Variants in C6orf132 observed in about 807,000 individuals in gnomAD.
C6orf132 encodes uncharacterized protein C6orf132.
Under a neutral mutation model 65.3 loss-of-function variants are expected in C6orf132, and 43 were observed. The observed-to-expected ratio is 0.66, with a 90% confidence interval of 0.52 to 0.85. C6orf132 has a LOEUF of 0.85. C6orf132 is among the 40% of genes least tolerant of loss of function. C6orf132 has a pLI of 0.00. For missense variants in C6orf132, 1,488 were observed against 1,548.8 expected (o/e 0.96, Z 0.66); for synonymous variants, 631 against 654.1 (o/e 0.96, Z 0.54).
At position 42,133,817 on chromosome 6, in the gene C6orf132, CA is replaced by C. The variant is rs1432082731; in HGVS notation, c.146-5040del. On this transcript the variant is annotated intron_variant, in intron 1 of 4. Coordinates refer to ENST00000341865, the MANE Select transcript of C6orf132 (RefSeq NM_001164446.3). Reference sequence around the variant, plus strand: ...ACAATTTCTCCCTCATAGAAGGAGACAGGGGCGGGGGCGGGGCGGGGCGGGG... The same window carrying C: ...ACAATTTCTCCCTCATAGAAGGAGACGGGGCGGGGGCGGGGCGGGGCGGGG... Among the ~76,000 whole-genome samples the C allele has an allele frequency of 8.0e-4, 13 of 16,234 alleles. No homozygotes were observed. In the South Asian group the frequency reaches 0.02, roughly 25 times the overall value. The allele number at this position is 16,234 out of a possible 152,430, so 10.7% of individuals were successfully genotyped here.
In C6orf132 at chr6:42,106,103, G is replaced by A. The variant is rs770932244; in HGVS notation, c.1809C>T (p.Asn603=). The A allele has an allele frequency of 9.1e-6, 14 of 1,537,140 alleles. No individual in the cohort carries two copies. The highest frequency in any genetic ancestry group is 7.1e-5 in the South Asian group (6 of 84,068). Reference sequence around the variant, plus strand: ...TGGAGAGTTTGTCATCATCAGCCCCGTTTTCACAAATTCTTCCCCCTTCTA... The same window carrying A: ...TGGAGAGTTTGTCATCATCAGCCCCATTTTCACAAATTCTTCCCCCTTCTA... The part of the protein sequence containing the change: ...PRLEGGRICE[N]GADDDKLSKP... The change falls in exon 4 of 5, where the codon AAC becomes AAT. Residue 603 remains asparagine (N), a synonymous_variant. Coordinates refer to ENST00000341865, the MANE Select transcript of C6orf132 (RefSeq NM_001164446.3).
At chr6:42,139,167 C>T (rs980536118) in intron 1 of C6orf132, among the ~76,000 whole-genome samples, 5 of 152,156 alleles carry the variant, frequency 3.3e-5, no homozygotes, top group Non-Finnish European at 4.4e-5. Flanking sequence ...TCCATTCCAC[C>T]GCCTGTTCTC....
intron 1 of C6orf132, among the ~76,000 whole-genome samples, chr6:42,139,148 T>G (rs1046597342): frequency 6.6e-6 from 1 of 152,196 alleles, no homozygotes; most frequent in African/African-American, 2.4e-5. Flanking sequence ...TACATTGATT[T>G]TCCTCCCTTC....
intron 1 of C6orf132, among the ~76,000 whole-genome samples, chr6:42,131,202 G>A (rs773929540): frequency 8.6e-5 from 13 of 151,986 alleles, no homozygotes; most frequent in Non-Finnish European, 1.8e-4. Context: ...TGTATTTTTA[G>A]TAGAGATGGT....
intron 1 of C6orf132, among the ~76,000 whole-genome samples, chr6:42,132,338 AC>A (rs2127479162): frequency 6.7e-6 from 1 of 150,232 alleles, no homozygotes; most frequent in Admixed American, 6.7e-5. Context: ...ACATGGTGAA[AC>A]CCCGTCTCTA....
intron 3 of C6orf132, among the ~76,000 whole-genome samples, chr6:42,109,992 G>A (rs547083562): frequency 3.3e-5 from 5 of 152,160 alleles, no homozygotes; most frequent in South Asian, 2.1e-4. Flanking sequence ...TCCTTCCCCC[G>A]CCAGAAAGGG....
chr6:42,111,428 G>A (rs1766493773), intron 2 of C6orf132, among the ~76,000 whole-genome samples: 1 of 151,834 alleles, frequency 6.6e-6, no homozygotes, highest in Non-Finnish European at 1.5e-5. Context: ...TTACAGGGGC[G>A]TGCACCACCA....
At chr6:42,110,678 G>A (rs1008545152) in intron 2 of C6orf132, among the ~76,000 whole-genome samples, 1 of 152,138 alleles carries the variant, frequency 6.6e-6, no homozygotes, top group Non-Finnish European at 1.5e-5. Flanking sequence ...AATATATTTT[G>A]TTGGTTGGTT....
intron 2 of C6orf132, among the ~76,000 whole-genome samples, chr6:42,123,076 C>G (rs1376864996): frequency 6.6e-6 from 1 of 152,118 alleles, no homozygotes; most frequent in Non-Finnish European, 1.5e-5. Context: ...TTCTATGGAC[C>G]CAGCTCTCAG....
intron 1 of C6orf132, 114 bp downstream of exon 1, chr6:42,142,186 G>T (rs903352517): frequency 8.0e-7 from 1 of 1,246,942 alleles, no homozygotes; most frequent in Non-Finnish European, 1.1e-6. Context: ...CTCTCGGCCA[G>T]TCCGCAGGTT....
chr6:42,103,802 AGATGGGAT>A lies in C6orf132; in HGVS notation c.3518_3525del (p.His1173LeufsTer20). 6.7e-7 allele frequency: 1 copy of A among 1,491,536 alleles called. No individual in the cohort carries two copies. The highest frequency in any genetic ancestry group is 8.9e-7 in the Non-Finnish European group (1 of 1,123,222). The allele number at this position is 1,491,536 out of a possible 1,614,324, so 92.4% of individuals were successfully genotyped here. ...CGATGGGCCCCTGAGCAGACATAGGAGATGGGATGGCGGGTCCCAGGCCTCACGGTGAA... is the reference window on the plus strand; with the variant it reads ...CGATGGGCCCCTGAGCAGACATAGGAGGCGGGTCCCAGGCCTCACGGTGAA... On this transcript the variant is annotated frameshift_variant, in exon 5 of 5. Coordinates refer to ENST00000341865, the MANE Select transcript of C6orf132 (RefSeq NM_001164446.3). LOFTEE classifies it high-confidence loss of function.
rs997601228 is a variant in C6orf132, at chr6:42,105,617, C to T, written c.2295G>A (p.Val765=). 5.2e-6 allele frequency: 8 copies of T among 1,537,010 alleles called. No individual in the cohort carries two copies. The highest frequency in any genetic ancestry group is 1.2e-5 in the South Asian group (1 of 84,070). Residue 765 remains valine, a synonymous_variant, in exon 4 of 5, where the codon GTG becomes GTA. Coordinates refer to ENST00000341865, the MANE Select transcript of C6orf132 (RefSeq NM_001164446.3). ...PPKTSPGGGE[V]PCLYKPHCHQ... ...GGCAGTGGGGCTTGTAGAGACATGG[C>T]ACCTCTCCTCCACCAGGAGATGTCT...
Position 42,106,827 on chromosome 6 carries a change from C to A in C6orf132, c.1085G>T (p.Cys362Phe). 1 of 1,535,316 alleles carries A rather than the reference C, an allele frequency of 6.5e-7. No homozygotes were observed. The highest frequency in any genetic ancestry group is 8.7e-7 in the Non-Finnish European group (1 of 1,146,700). ...VYPDRAPEPD[C>F]PGELKATAPA... ...TGCTGTGGCCTTGAGCTCCCCAGGG[C>A]AGTCTGGCTCGGGGGCCCTGTCTGG... The change falls in exon 4 of 5, where the codon TGC (cysteine) becomes TTC (phenylalanine). Residue 362 changes from cysteine (C) to phenylalanine (F), a missense_variant. Cys to Phe is a radical substitution (Grantham distance 205). Coordinates refer to ENST00000341865, the MANE Select transcript of C6orf132 (RefSeq NM_001164446.3).
chr6:42,135,312 T>C (rs1766921963), intron 1 of C6orf132, among the ~76,000 whole-genome samples: 3 of 152,214 alleles, frequency 2.0e-5, no homozygotes, highest in Admixed American at 2.0e-4. Flanking sequence ...ACATGGCCCC[T>C]GACTTGCACT....
rs149821936 is a variant in C6orf132, at chr6:42,122,514, G to A, written c.252+6158C>T. On this transcript the variant is annotated intron_variant, in intron 2 of 4. Transcript: ENST00000341865. Reference sequence around the variant, plus strand: ...TCAGGCTGAGGTCCTTACTGAGAGGGAAGGAACCAGGTGGGTAGAGAAGGG... The same window carrying A: ...TCAGGCTGAGGTCCTTACTGAGAGGAAAGGAACCAGGTGGGTAGAGAAGGG... Among the ~76,000 whole-genome samples, 412 of 152,300 alleles carry A rather than the reference G, an allele frequency of 2.7e-3. 4 individuals are homozygous for A. Among genetic ancestry groups the A allele is most frequent in the African/African-American group, 9.1e-3 (380 of 41,554 alleles).
Position 42,113,831 on chromosome 6 carries a change from A to G in C6orf132, c.253-3540T>C, listed in dbSNP as rs961005719. On this transcript the variant is annotated intron_variant, in intron 2 of 4. Transcript: ENST00000341865. Reference sequence around the variant, plus strand: ...ACTGTCTCAAAAAAAGAAAAGAAAAAAAAGAAAGAAAAAAAAAGAAAATTG... The same window carrying G: ...ACTGTCTCAAAAAAAGAAAAGAAAAGAAAGAAAGAAAAAAAAAGAAAATTG... 8.7e-5 allele frequency among the ~76,000 whole-genome samples: 13 copies of G among 150,068 alleles called. No individual in the cohort carries two copies. In the South Asian group the frequency reaches 2.7e-3, roughly 31 times the overall value.
rs1766742260 is a variant in C6orf132, at chr6:42,124,946, G to A, written c.252+3726C>T. Among the ~76,000 whole-genome samples, 1 of 152,202 alleles carries A rather than the reference G, an allele frequency of 6.6e-6. No individual in the cohort carries two copies. The highest frequency in any genetic ancestry group is 2.1e-4 in the South Asian group (1 of 4,832). On this transcript the variant is annotated intron_variant, in intron 2 of 4. Transcript: ENST00000341865. This position sits in a 1 kb window ranked among gnomAD's most constrained non-coding sequence, Gnocchi z 4.0. ...AAGAGTCCCTGTGATGTGGGCCACT[G>A]GGCCAAGGGTTCCTAATCTAAAGGC...
chr6:42,112,128 C>A (rs1055508593), intron 2 of C6orf132, among the ~76,000 whole-genome samples: 1 of 152,206 alleles, frequency 6.6e-6, no homozygotes, highest in Non-Finnish European at 1.5e-5. Context: ...TAATCATAGT[C>A]ATAATACTCC....
intron 2 of C6orf132, among the ~76,000 whole-genome samples, chr6:42,127,815 C>T (rs569342857): frequency 3.0e-4 from 46 of 151,762 alleles, no homozygotes; most frequent in Non-Finnish European, 4.3e-4. Flanking sequence ...CTGTCAGAAG[C>T]GGGATGTGCT....
Sources: gnomAD v4.1 joint callset for allele counts (sites outside exome capture counted in the v4.1 genomes callset) on GRCh38, gnomAD v4.1.1 for gene constraint, Gnocchi (gnomAD v3.1) non-coding constraint, MANE v1.5 for transcripts, NCBI Gene and HGNC (gene_info 2026-07-23, HGNC 2026-07-21) for gene names.